The following NR3C2 variants were observed in gnomAD, a reference collection of about 807,000 sequenced individuals.
NR3C2 encodes mineralocorticoid receptor.
In NR3C2, 15 loss-of-function variants were observed where a neutral mutation model predicts 86.4. The ratio of observed to expected loss-of-function variants is 0.17; its 90% CI spans 0.12 to 0.27. NR3C2 has a LOEUF of 0.27. NR3C2 is among the 10% of genes least tolerant of loss of function. NR3C2 has a pLI of 1.00. For synonymous variants in NR3C2, 458 were observed against 450.5 expected, an observed-to-expected ratio of 1.02 and a Z score of -0.21; for missense variants, 960 against 1,195.6, an observed-to-expected ratio of 0.80 and a Z score of 2.91.
At chr4:148,375,657 G>T (rs1333359190) in intron 2 of NR3C2, among the ~76,000 whole-genome samples, 1 of 151,716 alleles carries the variant, frequency 6.6e-6, no homozygotes, top group African/African-American at 2.4e-5. Context: ...ATTTTAATAC[G>T]CATAGCAAAT....
At chr4:148,153,931 T>C (rs867818998) in intron 5 of NR3C2, among the ~76,000 whole-genome samples, 38 of 152,298 alleles carry the variant, frequency 2.5e-4, no homozygotes, top group Middle Eastern at 3.4e-3. Context: ...ACAGAATGTA[T>C]TTTACCTTAT....
At chr4:148,393,147 G>C (rs914390990) in intron 2 of NR3C2, among the ~76,000 whole-genome samples, 2 of 152,088 alleles carry the variant, frequency 1.3e-5, no homozygotes, top group African/African-American at 4.8e-5. Flanking sequence ...CCTTATCTTT[G>C]TTTCATCACA....
chr4:148,107,204 C>T (rs1204207736), intron 8 of NR3C2, among the ~76,000 whole-genome samples: 1 of 150,718 alleles, frequency 6.6e-6, no homozygotes, highest in East Asian at 1.9e-4. Context: ...GGGCAAAGAC[C>T]CTTCTCAAAA....
intron 8 of NR3C2, among the ~76,000 whole-genome samples, chr4:148,110,029 A>G (rs1172518855): frequency 1.3e-5 from 2 of 152,186 alleles, no homozygotes. Context: ...ATTATTGTCA[A>G]TTCTTTCTAG....
At chr4:148,424,664 G>C (rs1749441641) in intron 2 of NR3C2, among the ~76,000 whole-genome samples, 1 of 150,840 alleles carries the variant, frequency 6.6e-6, no homozygotes, top group Non-Finnish European at 1.5e-5. Context: ...TATACTGAGT[G>C]AAAGAAGCAA....
chr4:148,316,003 A>G (rs1397314825), intron 2 of NR3C2, among the ~76,000 whole-genome samples: 2 of 152,214 alleles, frequency 1.3e-5, no homozygotes, highest in South Asian at 2.1e-4. Context: ...ATATTTGCAC[A>G]TTATAGAAGT....
chr4:148,132,347 A>G (rs1388857041), intron 6 of NR3C2, among the ~76,000 whole-genome samples: 2 of 152,222 alleles, frequency 1.3e-5, no homozygotes, highest in Admixed American at 6.5e-5. Context: ...TTATTGTATC[A>G]TGTGAGGCAC....
At chr4:148,090,240 A>G (rs1578869799) in intron 8 of NR3C2, among the ~76,000 whole-genome samples, 2 of 152,226 alleles carry the variant, frequency 1.3e-5, no homozygotes, top group South Asian at 2.1e-4. Flanking sequence ...ACACACAGAA[A>G]GGCAGGTGCT....
chr4:148,154,180 T>G (rs1384626693), intron 5 of NR3C2, among the ~76,000 whole-genome samples: 4 of 152,000 alleles, frequency 2.6e-5, no homozygotes, highest in Admixed American at 2.6e-4. Context: ...GACTAATTTT[T>G]GTGTTTTTAG....
At chr4:148,278,617 G>C (rs993277233) in intron 2 of NR3C2, among the ~76,000 whole-genome samples, 4 of 151,994 alleles carry the variant, frequency 2.6e-5, no homozygotes, top group Non-Finnish European at 5.9e-5. Context: ...TTAAGTTTTG[G>C]ATAATGCCTG....
At chr4:148,152,306 A>G (rs1734138196) in intron 6 of NR3C2, 163 bp downstream of exon 6, 1 of 670,806 alleles carries the variant, frequency 1.5e-6, no homozygotes, top group Non-Finnish European at 2.6e-6. Flanking sequence ...TGTTGCAAAG[A>G]GTAATTTTTT....
intron 4 of NR3C2, among the ~76,000 whole-genome samples, chr4:148,184,273 A>T (rs1406442101): frequency 1.4e-5 from 2 of 146,136 alleles, no homozygotes; most frequent in Non-Finnish European, 3.0e-5. Flanking sequence ...ACATGGTGAA[A>T]CCCCAACTCT....
intron 6 of NR3C2, among the ~76,000 whole-genome samples, chr4:148,147,848 G>A (rs1240594702): frequency 6.6e-6 from 1 of 152,220 alleles, no homozygotes; most frequent in Non-Finnish European, 1.5e-5. Context: ...GGCAGGCAAT[G>A]TGTGAGGCAT....
chr4:148,093,906 G>T (rs1731164953), intron 8 of NR3C2, among the ~76,000 whole-genome samples: 1 of 152,104 alleles, frequency 6.6e-6, no homozygotes, highest in South Asian at 2.1e-4. Context: ...TAAAAGGCAA[G>T]CCAAAGAATG....
intron 8 of NR3C2, among the ~76,000 whole-genome samples, chr4:148,088,988 T>C (rs1293884283): frequency 6.6e-6 from 1 of 152,184 alleles, no homozygotes; most frequent in East Asian, 1.9e-4. Flanking sequence ...TCCAAGTGTA[T>C]TACAGCTGGC....
chr4:148,399,237 T>C (rs1442013367), intron 2 of NR3C2, among the ~76,000 whole-genome samples: 2 of 152,194 alleles, frequency 1.3e-5, no homozygotes, highest in Non-Finnish European at 1.5e-5. Flanking sequence ...TCTGCTTCCA[T>C]ATATAGTAAA....
intron 3 of NR3C2, among the ~76,000 whole-genome samples, chr4:148,216,258 A>G (rs1465976675): frequency 1.3e-5 from 2 of 152,134 alleles, no homozygotes; most frequent in African/African-American, 4.8e-5. Context: ...CCCAGTACAA[A>G]AATAGTCAGG....
At chr4:148,105,612 G>A (rs1002115100) in intron 8 of NR3C2, among the ~76,000 whole-genome samples, 6 of 152,130 alleles carry the variant, frequency 3.9e-5, no homozygotes, top group Non-Finnish European at 7.3e-5. Flanking sequence ...GAGGAACATC[G>A]ATGTGAAAAT....
intron 8 of NR3C2, among the ~76,000 whole-genome samples, chr4:148,083,459 T>G (rs1468694859): frequency 1.3e-5 from 2 of 151,924 alleles, no homozygotes; most frequent in Non-Finnish European, 1.5e-5. Context: ...GCCTGACTGG[T>G]AGAAGGAAAA....
Sources: allele counts gnomAD v4.1 joint callset (sites outside exome capture counted in the v4.1 genomes callset), GRCh38; gene constraint gnomAD v4.1.1; transcripts MANE v1.5; gene names NCBI Gene and HGNC (gene_info 2026-07-23, HGNC 2026-07-21).